Variants in GFI1B observed in about 807,000 individuals in gnomAD.
GFI1B encodes zinc finger protein Gfi-1b.
In GFI1B, 20 loss-of-function variants were observed where a neutral mutation model predicts 35.3. That is an observed-to-expected ratio of 0.57 (90% CI 0.40 to 0.82). The LOEUF is 0.82. Ranked by LOEUF, GFI1B falls within the 40% of genes least tolerant of loss-of-function variation. The pLI is 0.00. For synonymous variants in GFI1B, 178 were observed against 177.6 expected (o/e 1.00, Z -0.02); for missense variants, 430 against 446.3 (o/e 0.96, Z 0.33).
At chr9:132,981,357 C>G (rs1161706348) in intron 1 of GFI1B, among the ~76,000 whole-genome samples, 1 of 152,188 alleles carries the variant, frequency 6.6e-6, no homozygotes, top group Non-Finnish European at 1.5e-5. Flanking sequence ...TAGATTCACT[C>G]ACTTTTGACA....
rs1367971464 is a variant in GFI1B at position 132,989,149 on chromosome 9, C to A, written c.599C>A (p.Thr200Asn). The A allele has an allele frequency of 6.2e-7, 1 of 1,614,006 alleles. No individual in the cohort carries two copies. The highest frequency in any genetic ancestry group is 1.1e-5 in the South Asian group (1 of 91,082). ...TTCGCCTGTGACATCTGCGGCAAAA[C>A]CTTCGGCCACGCTGTGAGCCTGGAG... ...RPFACDICGK[T>N]FGHAVSLEQH... The change falls in exon 5 of 7, where the codon ACC (threonine) becomes AAC (asparagine). Residue 200 changes from threonine (T) to asparagine (N), a missense_variant. Coordinates refer to ENST00000372122, the MANE Select transcript of GFI1B (RefSeq NM_001377304.1). The surrounding 1 kb of genome is among the most constrained non-coding windows in gnomAD (Gnocchi z 6.2).
Position 132,979,955 on chromosome 9 carries a change from C to T in GFI1B, c.-21+1114C>T, listed in dbSNP as rs144711160. Among the ~76,000 whole-genome samples the T allele has an allele frequency of 9.7e-4, 148 of 152,302 alleles. 1 individual carries two copies. The highest frequency in any genetic ancestry group is 3.4e-3 in the African/African-American group (143 of 41,566). On this transcript the variant is annotated intron_variant, in intron 1 of 6. Transcript: ENST00000372122. ...GCTGAGCTGCACCTGACCGCCTGGA[C>T]GCGCCTGCATGTTTCTTAGTAGGCA...
chr9:132,948,430 A>G (rs949241845), intron 1 of GFI1B, among the ~76,000 whole-genome samples: 1 of 152,208 alleles, frequency 6.6e-6, no homozygotes, highest in South Asian at 2.1e-4. Flanking sequence ...TATTTTGGCC[A>G]ATGCTAGTTT....
At chr9:132,957,001 A>G (rs1419153021) in intron 1 of GFI1B, among the ~76,000 whole-genome samples, 1 of 152,204 alleles carries the variant, frequency 6.6e-6, no homozygotes, top group Non-Finnish European at 1.5e-5. Flanking sequence ...CAAAAAAGAG[A>G]GTGCAAATAA....
intron 1 of GFI1B, among the ~76,000 whole-genome samples, chr9:132,985,183 G>C (rs1848997706): frequency 6.6e-6 from 1 of 152,190 alleles, no homozygotes; most frequent in Admixed American, 6.5e-5. Flanking sequence ...AGAGTGCCCG[G>C]GGGAACCTCA....
chr9:132,957,458 A>C (rs2132590757), intron 1 of GFI1B, among the ~76,000 whole-genome samples: 1 of 152,256 alleles, frequency 6.6e-6, no homozygotes, highest in East Asian at 1.9e-4. Context: ...GCAGAGAAGC[A>C]CTCATTCATT....
chr9:132,954,788 G>C (rs1032060930), intron 1 of GFI1B, among the ~76,000 whole-genome samples: 1 of 150,928 alleles, frequency 6.6e-6, no homozygotes, highest in Non-Finnish European at 1.5e-5. Context: ...GCGCAATCTC[G>C]ACTCACTGCA....
chr9:132,969,370 A>G (rs1022877012), intron 1 of GFI1B, among the ~76,000 whole-genome samples: 5 of 152,174 alleles, frequency 3.3e-5, no homozygotes, highest in Non-Finnish European at 7.3e-5. Flanking sequence ...ACTCAGGTAA[A>G]TGAAGTGACC....
At chr9:132,992,276 A>T (rs376042036), downstream of GFI1B, among the ~76,000 whole-genome samples, 139 of 152,258 alleles carry the variant, frequency 9.1e-4, 4 homozygotes, top group South Asian at 0.027. Context: ...TCAGGTATAA[A>T]TCATCCCATC....
intron 1 of GFI1B, chr9:132,972,694 G>A (rs1848551004): frequency 6.6e-6 from 1 of 152,256 alleles, no homozygotes. Flanking sequence ...GCATGTACCT[G>A]TACACAGATA....
chr9:132,968,954 C>T lies in GFI1B; in HGVS notation c.-700-3771C>T, dbSNP rs925333296. On this transcript the variant is annotated intron_variant, in intron 1 of 10. Transcript: ENST00000339463. Reference sequence around the variant, plus strand: ...ATCTCGCAAAACCAAAACTCTGTCCCCATTAAATACAAACTCCCCAGTCGC... The same window carrying T: ...ATCTCGCAAAACCAAAACTCTGTCCTCATTAAATACAAACTCCCCAGTCGC... 2.0e-5 allele frequency among the ~76,000 whole-genome samples: 3 copies of T among 152,148 alleles called. No individual in the cohort carries two copies. The East Asian group carries it at 5.8e-4, about 29-fold the overall frequency.
chr9:132,949,239 C>G (rs1160819766), intron 1 of GFI1B, among the ~76,000 whole-genome samples: 2 of 151,412 alleles, frequency 1.3e-5, no homozygotes, highest in African/African-American at 4.9e-5. Flanking sequence ...GCCCAGGCTA[C>G]TCACTGTGAA....
upstream of GFI1B, among the ~76,000 whole-genome samples, chr9:132,973,848 C>A (rs1848575487): frequency 6.6e-6 from 1 of 152,220 alleles, no homozygotes; most frequent in South Asian, 2.1e-4. Flanking sequence ...TTCCTCTACA[C>A]TTAAGCAACC....
At chr9:132,946,819 A>G (rs953172263) in intron 1 of GFI1B, 4 of 152,354 alleles carry the variant, frequency 2.6e-5, no homozygotes, top group African/African-American at 4.8e-5. Flanking sequence ...GAGAGCAGCC[A>G]TAAGCAGAGC....
chr9:132,966,634 A>G (rs1019127524), intron 1 of GFI1B, among the ~76,000 whole-genome samples: 11 of 152,250 alleles, frequency 7.2e-5, no homozygotes, highest in Admixed American at 6.5e-4. Flanking sequence ...TGCTGAAACC[A>G]GTAGGGGAGA....
At chr9:132,992,103 T>C (rs1009622711), downstream of GFI1B, among the ~76,000 whole-genome samples, 1 of 152,168 alleles carries the variant, frequency 6.6e-6, no homozygotes, top group Non-Finnish European at 1.5e-5. Context: ...AGAGTCTGTT[T>C]TCCTGTCTCT....
chr9:132,970,089 G>C (rs1848510666), intron 1 of GFI1B, among the ~76,000 whole-genome samples: 1 of 151,618 alleles, frequency 6.6e-6, no homozygotes, highest in Admixed American at 6.6e-5. Context: ...TGGGAGAAGA[G>C]AGGGATCTTT....
At chr9:132,982,551 G>A (rs1186613911) in intron 1 of GFI1B, among the ~76,000 whole-genome samples, 2 of 152,186 alleles carry the variant, frequency 1.3e-5, no homozygotes, top group African/African-American at 2.4e-5. Context: ...CCGGAGGTCC[G>A]ATACCATCAA....
intron 1 of GFI1B, among the ~76,000 whole-genome samples, chr9:132,956,231 TGTAAG>T (rs1430075165): frequency 6.6e-6 from 1 of 152,230 alleles, no homozygotes; most frequent in Non-Finnish European, 1.5e-5. Context: ...TTTAAACTGT[TGTAAG>T]GTAAAACTTT....
Sources: gnomAD v4.1 joint callset for allele counts (sites outside exome capture counted in the v4.1 genomes callset) on GRCh38, gnomAD v4.1.1 for gene constraint, Gnocchi (gnomAD v3.1) non-coding constraint, MANE v1.5 for transcripts, NCBI Gene and HGNC (gene_info 2026-07-23, HGNC 2026-07-21) for gene names.